Variants in POLR3B observed in about 807,000 individuals in gnomAD.
POLR3B encodes the protein RNA polymerase III subunit B, also known as DNA-directed RNA polymerase III subunit RPC2.
A neutral mutation model predicts 147.4 loss-of-function variants in POLR3B; 96 were observed. That is an observed-to-expected ratio of 0.65 (90% confidence interval 0.55 to 0.77). The LOEUF (loss-of-function observed/expected upper bound fraction) is 0.77, where lower values mean the gene tolerates loss of function less well. POLR3B is among the 30% of genes least tolerant of loss of function. POLR3B has a pLI of 0.00. For synonymous variants in POLR3B, 461 were observed against 485.9 expected (o/e 0.95, Z 0.67); for missense variants, 1,036 against 1,413.5 (o/e 0.73, Z 4.28).
chr12:106,498,341 C>T (rs1373965468), intron 25 of POLR3B, among the ~76,000 whole-genome samples: 1 of 152,202 alleles, frequency 6.6e-6, no homozygotes, highest in African/African-American at 2.4e-5. Flanking sequence ...GAAGAAGAGC[C>T]AGGCGACCAG....
At chr12:106,417,134 G>A (rs1261775006) in intron 12 of POLR3B, among the ~76,000 whole-genome samples, 1 of 152,154 alleles carries the variant, frequency 6.6e-6, no homozygotes, top group East Asian at 1.9e-4. Context: ...GCTCATTGAG[G>A]AAAGGAACCA....
At chr12:106,379,441 G>A (rs774002813) in intron 8 of POLR3B, among the ~76,000 whole-genome samples, 1 of 152,210 alleles carries the variant, frequency 6.6e-6, no homozygotes, top group Non-Finnish European at 1.5e-5. Context: ...TAGAGCTAAT[G>A]TAAGTAACAT....
intron 20 of POLR3B, among the ~76,000 whole-genome samples, chr12:106,456,098 G>T (rs2037860275): frequency 6.6e-6 from 1 of 152,130 alleles, no homozygotes; most frequent in African/African-American, 2.4e-5. Flanking sequence ...GCATGGCTCA[G>T]TATATCCTGA....
At chr12:106,411,831 A>G (rs918469910) in intron 12 of POLR3B, among the ~76,000 whole-genome samples, 1 of 152,236 alleles carries the variant, frequency 6.6e-6, no homozygotes, top group African/African-American at 2.4e-5. Flanking sequence ...CAAGCATCCA[A>G]AAATCTTTGG....
rs1382163773 is a variant in POLR3B, at chr12:106,430,358, G to A, written c.1349G>A (p.Gly450Asp). 1 of 1,613,934 alleles carries A rather than the reference G, an allele frequency of 6.2e-7. No individual in the cohort carries two copies. The highest frequency in any genetic ancestry group is 2.2e-5 in the East Asian group (1 of 44,856). The change falls in exon 14 of 28, where the codon GGC becomes GAC. Residue 450 changes from glycine to aspartate, a missense_variant. Gly to Asp is a moderately conservative substitution (Grantham distance 94). This residue lies in a region of POLR3B where 89 missense variants were observed against 110.9 expected (regional missense o/e 0.80). Transcript: ENST00000228347. ...LSRLSYISAL[G>D]MMTRISSQFE... Reference sequence around the variant, plus strand: ...CGCTTGTCATATATATCCGCACTGGGCATGATGACAAGAATCTCTTCCCAG... The same window carrying A: ...CGCTTGTCATATATATCCGCACTGGACATGATGACAAGAATCTCTTCCCAG...
intron 10 of POLR3B, among the ~76,000 whole-genome samples, chr12:106,393,897 T>G (rs981687469): frequency 9.9e-5 from 15 of 152,142 alleles, no homozygotes; most frequent in African/African-American, 3.4e-4. Flanking sequence ...GCAAGTGCTT[T>G]CCTAAGTATA....
In POLR3B at chr12:106,395,926, C is replaced by T. The variant is rs530498319; in HGVS notation, c.846+2773C>T. Among the ~76,000 whole-genome samples the T allele has an allele frequency of 6.1e-4, 93 of 152,182 alleles. 5 individuals carry two copies. Among genetic ancestry groups the T allele is most frequent in the South Asian group, 1.5e-3 (7 of 4,812 alleles). ...CGGAGGTTGCAGTGAGCCAAGATCG[C>T]GCCACTGCACTCCAGCCTGGGTGAC... is the stretch of plus-strand genomic sequence containing the variant. On this transcript the variant is annotated intron_variant, in intron 10 of 27. Transcript: ENST00000228347.
chr12:106,409,804 C>A lies in POLR3B; in HGVS notation c.967-1022C>A, dbSNP rs187073658. Reference sequence around the variant, plus strand: ...GAAATTTTAAAATAGTATGTATCATCTGTGGAAAAGCCTATAAATACTCCT... The same window carrying A: ...GAAATTTTAAAATAGTATGTATCATATGTGGAAAAGCCTATAAATACTCCT... On this transcript the variant is annotated intron_variant, in intron 11 of 27. Transcript: ENST00000228347. 3.0e-3 allele frequency among the ~76,000 whole-genome samples: 451 copies of A among 151,856 alleles called. 1 individual carries two copies. The highest frequency in any genetic ancestry group is 9.3e-3 in the African/African-American group (387 of 41,408).
chr12:106,480,414 G>C (rs1592766332), intron 23 of POLR3B, among the ~76,000 whole-genome samples: 1 of 152,182 alleles, frequency 6.6e-6, no homozygotes, highest in Non-Finnish European at 1.5e-5. Context: ...TCTAACTCCT[G>C]CCTGAAGGTT....
intron 11 of POLR3B, among the ~76,000 whole-genome samples, chr12:106,408,098 A>G (rs2037173713): frequency 6.6e-6 from 1 of 152,214 alleles, no homozygotes; most frequent in South Asian, 2.1e-4. Flanking sequence ...TTTTTGTGAT[A>G]TATGTGATTT....
chr12:106,391,776 T>C (rs6539267), intron 9 of POLR3B, among the ~76,000 whole-genome samples: 34,772 of 152,180 alleles, frequency 0.23, 4,746 homozygotes, highest in Non-Finnish European at 0.3. Flanking sequence ...GCCCCTGTTG[T>C]ACTGAGGATA....
chr12:106,378,438 T>TA, intron 8 of POLR3B, 54 bp downstream of exon 8: 6 of 1,060,290 alleles, frequency 5.7e-6, no homozygotes, highest in Non-Finnish European at 8.8e-6. Context: ...CCATTAGTCC[T>TA]AAATGGCTAT....
At chr12:106,486,282 C>T (rs1297816673) in intron 23 of POLR3B, among the ~76,000 whole-genome samples, 3 of 112,858 alleles carry the variant, frequency 2.7e-5, no homozygotes, top group African/African-American at 7.9e-5. Context: ...AGGGAGACTC[C>T]GTCTCAAAAA....
intron 6 of POLR3B, among the ~76,000 whole-genome samples, chr12:106,372,348 T>G (rs2036619024): frequency 6.7e-6 from 1 of 148,886 alleles, no homozygotes; most frequent in Admixed American, 6.7e-5. Flanking sequence ...TTTTTTTTTT[T>G]TTTTTTTTGA....
At chr12:106,389,854 A>G (rs1337114030) in intron 9 of POLR3B, among the ~76,000 whole-genome samples, 1 of 152,208 alleles carries the variant, frequency 6.6e-6, no homozygotes, top group Non-Finnish European at 1.5e-5. Context: ...TGCAGTTGCA[A>G]CTGTGAATGG....
intron 9 of POLR3B, among the ~76,000 whole-genome samples, chr12:106,381,053 A>T (rs1481605146): frequency 6.6e-6 from 1 of 152,248 alleles, no homozygotes; most frequent in Non-Finnish European, 1.5e-5. Context: ...ATTGCTAAAA[A>T]ATTCTAACAA....
chr12:106,388,611 TGG>T (rs2036875076), intron 9 of POLR3B, among the ~76,000 whole-genome samples: 2 of 152,162 alleles, frequency 1.3e-5, no homozygotes, highest in African/African-American at 4.8e-5. Flanking sequence ...CCAATGTGCC[TGG>T]CTGAAATTTA....
At chr12:106,375,008 GC>G (rs1204002789) in intron 6 of POLR3B, among the ~76,000 whole-genome samples, 1 of 152,094 alleles carries the variant, frequency 6.6e-6, no homozygotes, top group Non-Finnish European at 1.5e-5. Context: ...TTTAGTGAGG[GC>G]CTATTAGTAC....
At chr12:106,406,485 A>G (rs2037152318) in intron 11 of POLR3B, among the ~76,000 whole-genome samples, 1 of 152,222 alleles carries the variant, frequency 6.6e-6, no homozygotes, top group Non-Finnish European at 1.5e-5. Flanking sequence ...GTACATTCAC[A>G]TTATTGTACA....
Sources: gnomAD v4.1 joint callset for allele counts (sites outside exome capture counted in the v4.1 genomes callset) on GRCh38, gnomAD v4.1.1 for gene constraint, gnomAD v4.1.1 regional missense constraint, MANE v1.5 for transcripts, NCBI Gene and HGNC (gene_info 2026-07-23, HGNC 2026-07-21) for gene names.